The following CD99 variants were observed in gnomAD, a reference collection of about 807,000 sequenced individuals.
CD99 encodes CD99 antigen.
In CD99, 19 loss-of-function variants were observed where a neutral mutation model predicts 28.4. That is an observed-to-expected ratio of 0.67 (90% CI 0.47 to 0.98). CD99 has a LOEUF of 0.98. CD99 is among the 50% of genes least tolerant of loss of function. The probability of loss-of-function intolerance (pLI) is 0.00; values close to 1 mark genes in which losing one functional copy is unlikely to be tolerated. For missense variants in CD99, 283 were observed against 248.8 expected, an observed-to-expected ratio of 1.14 and a Z score of -0.92; for synonymous variants, 103 against 92.1, an observed-to-expected ratio of 1.12 and a Z score of -0.67.
intron 1 of CD99, among the ~76,000 whole-genome samples, chrX:2,708,194 A>G (rs1197380908): frequency 6.6e-6 from 1 of 152,066 alleles, no homozygotes; most frequent in African/African-American, 2.4e-5. Context: ...TACATAGGGA[A>G]CTGTGTCCCT....
chrX:2,723,159 T>A (rs2049084490), intron 6 of CD99, 155 bp from the exon 7 acceptor site: 1 of 194,522 alleles, frequency 5.1e-6, no homozygotes. Context: ...ACATGCACCC[T>A]TAGAGTGTAA....
intron 1 of CD99, among the ~76,000 whole-genome samples, chrX:2,697,100 G>A (rs2047612195): frequency 6.6e-6 from 1 of 152,118 alleles, no homozygotes; most frequent in South Asian, 2.1e-4. Context: ...AGGGTACATG[G>A]AAAGCCTTGC....
intron 1 of CD99, among the ~76,000 whole-genome samples, chrX:2,694,115 C>A (rs2047458607): frequency 6.6e-6 from 1 of 152,138 alleles, no homozygotes; most frequent in African/African-American, 2.4e-5. Context: ...TCCGATGCAT[C>A]CCTGCTCTCT....
chrX:2,740,692 C>A, intron 9 of CD99, 87 bp from the exon 10 acceptor site: 1 of 1,366,766 alleles, frequency 7.3e-7, no homozygotes, highest in Non-Finnish European at 1.0e-6. Flanking sequence ...GAAATAAAAC[C>A]ACTGGCTCCT....
chrX:2,706,252 C>T (rs1278425591), intron 1 of CD99, among the ~76,000 whole-genome samples: 4 of 151,870 alleles, frequency 2.6e-5, no homozygotes, highest in Admixed American at 6.6e-5. Flanking sequence ...CCCAGCTACT[C>T]GGGAGGCTGA....
intron 2 of CD99, among the ~76,000 whole-genome samples, chrX:2,716,934 C>T (rs1246882578): frequency 6.6e-6 from 1 of 152,134 alleles, no homozygotes; most frequent in Non-Finnish European, 1.5e-5. Flanking sequence ...GCCATCAATC[C>T]GGTGTCTCTC....
intron 1 of CD99, among the ~76,000 whole-genome samples, chrX:2,696,401 T>C (rs2047575192): frequency 6.6e-6 from 1 of 152,168 alleles, no homozygotes; most frequent in South Asian, 2.1e-4. Context: ...TTCTTTCTTT[T>C]CTTTTCTTTT....
Position 2,722,383 on chromosome X carries a change from C to A in CD99, c.263-244C>A, listed in dbSNP as rs1422101198. Among the ~76,000 whole-genome samples the A allele has an allele frequency of 2.6e-5, 4 of 152,126 alleles. No homozygotes were observed. The East Asian group carries it at 7.7e-4, about 29-fold the overall frequency. ...TTGCCCAGGCTGGAGTGCAGTGGTG[C>A]CATCTTGGCTCACTGCAACCTCCAC... On this transcript the variant is annotated intron_variant, in intron 5 of 9. Transcript: ENST00000381192.
At chrX:2,725,680 C>G (rs1219851952) in intron 7 of CD99, among the ~76,000 whole-genome samples, 1 of 152,160 alleles carries the variant, frequency 6.6e-6, no homozygotes, top group Non-Finnish European at 1.5e-5. Flanking sequence ...GCGGCACAAT[C>G]TCGGCTCACT....
intron 1 of CD99, among the ~76,000 whole-genome samples, chrX:2,704,272 CAT>C (rs938294649): frequency 6.6e-6 from 1 of 152,172 alleles, no homozygotes; most frequent in Non-Finnish European, 1.5e-5. Flanking sequence ...TCTTACCAAA[CAT>C]ATTGTAAAAT....
Position 2,720,313 on chromosome X carries a change from C to T in CD99, c.194-43C>T, listed in dbSNP as rs201565418. 1.4e-5 allele frequency: 22 copies of T among 1,577,764 alleles called. No individual in the cohort carries two copies. In the African/African-American group the frequency reaches 1.7e-4, roughly 13 times the overall value. On this transcript the variant is annotated intron_variant, in intron 4 of 9. Coordinates refer to ENST00000381192, the MANE Select transcript of CD99 (RefSeq NM_002414.5). ...GTAAACTGATGTTTCATTTTCTTTACTGCAAGGCACTTAAAATTGCAACTC... is the reference window on the plus strand; with the variant it reads ...GTAAACTGATGTTTCATTTTCTTTATTGCAAGGCACTTAAAATTGCAACTC...
Position 2,720,408 on chromosome X carries a change from C to A in CD99, c.246C>A (p.Asn82Lys). 1.2e-6 allele frequency: 2 copies of A among 1,613,760 alleles called. No homozygotes were observed. The highest frequency in any genetic ancestry group is 1.7e-6 in the Non-Finnish European group (2 of 1,179,806). The change falls in exon 5 of 10, where the codon AAC becomes AAA. Residue 82 changes from asparagine (N) to lysine (K), a missense_variant. Asn to Lys is a moderately conservative substitution (Grantham distance 94). Transcript: ENST00000381192. ...AACCGATGCCAAATCCAAACCCCAA[C>A]CACCCTAGTTCCTCCGGTAAGAGTC... ...PPKPMPNPNP[N>K]HPSSSGSFSD...
intron 1 of CD99, among the ~76,000 whole-genome samples, chrX:2,703,424 C>G (rs1478112634): frequency 6.6e-6 from 1 of 152,084 alleles, no homozygotes; most frequent in African/African-American, 2.4e-5. Flanking sequence ...ACTGCGGTGT[C>G]TTTAAACAGA....
At chrX:2,693,395 A>G (rs142283526) in intron 1 of CD99, among the ~76,000 whole-genome samples, 2,513 of 152,132 alleles carry the variant, frequency 0.017, 66 homozygotes, top group African/African-American at 0.057. Context: ...GGGCCAACCT[A>G]TCCTTCCAAT....
chrX:2,706,162 A>C (rs1311652016), intron 1 of CD99, among the ~76,000 whole-genome samples: 3 of 151,824 alleles, frequency 2.0e-5, no homozygotes, highest in Non-Finnish European at 4.4e-5. Context: ...GATCGAGACC[A>C]TCCTGGCTAC....
At chrX:2,706,293 T>G (rs1276053660) in intron 1 of CD99, among the ~76,000 whole-genome samples, 1 of 151,856 alleles carries the variant, frequency 6.6e-6, no homozygotes, top group East Asian at 1.9e-4. Flanking sequence ...CCGGGAGGCA[T>G]AGCTTGCAGT....
rs1386646944 is a variant in CD99 at position 2,691,426 on chromosome X, G to C, written c.66G>C (p.Pro22=). The change falls in exon 1 of 10, where the codon CCG becomes CCC. Residue 22 remains proline, a splice_region_variant and synonymous_variant. Coordinates refer to ENST00000381192, the MANE Select transcript of CD99 (RefSeq NM_002414.5). ...TGCTGGGTGTTCTGGTCGCCGCCCC[G>C]GGTGAGCGAGCGGAGGGATCCGGGT... The part of the protein sequence containing the change: ...FGLLGVLVAA[P]DGGFDLSDAL... 6.3e-7 allele frequency: 1 copy of C among 1,582,690 alleles called. No homozygotes were observed. Among genetic ancestry groups the C allele is most frequent in the African/African-American group, 1.4e-5 (1 of 73,510 alleles).
At chrX:2,716,399 G>C (rs2048720841) in intron 2 of CD99, among the ~76,000 whole-genome samples, 1 of 152,040 alleles carries the variant, frequency 6.6e-6, no homozygotes, top group Non-Finnish European at 1.5e-5. Context: ...TGCAGTGTTG[G>C]GATCTTGGCT....
intron 8 of CD99, chrX:2,733,214 T>C: frequency 1.2e-6 from 1 of 843,852 alleles, no homozygotes; most frequent in Non-Finnish European, 2.0e-6. Context: ...ACTTTGAGCC[T>C]CTATCCCATT....
Sources: gnomAD v4.1 joint callset for allele counts (sites outside exome capture counted in the v4.1 genomes callset) on GRCh38, gnomAD v4.1.1 for gene constraint, MANE v1.5 for transcripts, NCBI Gene and HGNC (gene_info 2026-07-23, HGNC 2026-07-21) for gene names.